PIK3C2G: variants seen among roughly 807,000 people sequenced by gnomAD.
The protein encoded by PIK3C2G is phosphatidylinositol-4-phosphate 3-kinase catalytic subunit type 2 gamma, also known as phosphatidylinositol 3-kinase C2 domain-containing subunit gamma.
Under a neutral mutation model 181.1 loss-of-function variants are expected in PIK3C2G, and 168 were observed. The observed-to-expected ratio is 0.93, with a 90% CI of 0.82 to 1.05. The LOEUF (loss-of-function observed/expected upper bound fraction) is 1.05, where lower values mean the gene tolerates loss of function less well. PIK3C2G is among the 50% of genes least tolerant of loss of function. PIK3C2G has a pLI of 0.00. For synonymous variants in PIK3C2G, 573 were observed against 592.2 expected (o/e 0.97, Z 0.47); for missense variants, 1,869 against 1,732.8 (o/e 1.08, Z -1.40).
At chr12:18,725,399 A>G in the PIK3C2G span, among the ~76,000 whole-genome samples, 1 of 152,176 alleles carries the variant, frequency 6.6e-6, no homozygotes, top group Admixed American at 6.5e-5. Flanking sequence ...CTGAAGCACA[A>G]AAATCTTAGG....
intron 1 of PIK3C2G, among the ~76,000 whole-genome samples, chr12:18,255,779 GCAGT>G (rs1198106416): frequency 3.3e-5 from 5 of 152,178 alleles, no homozygotes; most frequent in African/African-American, 1.2e-4. Flanking sequence ...GGAACAACTT[GCAGT>G]CAATTACCCA....
At chr12:18,510,849 A>G (rs1048337552) in intron 24 of PIK3C2G, among the ~76,000 whole-genome samples, 3 of 152,148 alleles carry the variant, frequency 2.0e-5, no homozygotes, top group African/African-American at 7.2e-5. Flanking sequence ...TTATGGTGAG[A>G]CATTTGAAAT....
chr12:18,594,640 AT>A (rs1352395595), intron 30 of PIK3C2G, 71 bp downstream of exon 30: 16 of 744,568 alleles, frequency 2.1e-5, no homozygotes, highest in South Asian at 4.8e-5. Context: ...ATCACAACTA[AT>A]TTTTTTCAAT....
chr12:18,482,073 A>C (rs1939612562), intron 18 of PIK3C2G, among the ~76,000 whole-genome samples: 1 of 152,150 alleles, frequency 6.6e-6, no homozygotes, highest in African/African-American at 2.4e-5. Context: ...ACTTTTGGAC[A>C]ACAAAAAACT....
chr12:18,456,164 T>G (rs376056631), intron 18 of PIK3C2G, among the ~76,000 whole-genome samples: 14 of 152,298 alleles, frequency 9.2e-5, no homozygotes, highest in African/African-American at 3.1e-4. Context: ...AAATAAAGTT[T>G]TTAAAATGTT....
At chr12:18,593,731 C>A (rs1947206005) in intron 29 of PIK3C2G, among the ~76,000 whole-genome samples, 1 of 151,776 alleles carries the variant, frequency 6.6e-6, no homozygotes, top group Non-Finnish European at 1.5e-5. Context: ...ATTTGGAGAT[C>A]AGGTTAAATG....
upstream of PIK3C2G, among the ~76,000 whole-genome samples, chr12:18,244,426 G>T (rs1948018231): frequency 6.6e-6 from 1 of 151,896 alleles, no homozygotes; most frequent in Non-Finnish European, 1.5e-5. Context: ...TGCTTAAAAG[G>T]TATAATAAAA....
intron 29 of PIK3C2G, among the ~76,000 whole-genome samples, chr12:18,577,485 T>C (rs1946292149): frequency 6.6e-6 from 1 of 152,180 alleles, no homozygotes; most frequent in African/African-American, 2.4e-5. Flanking sequence ...CTAAAGAAAT[T>C]CCAGGCACTA....
At chr12:18,609,078 T>A (rs1592707688) in intron 30 of PIK3C2G, among the ~76,000 whole-genome samples, 1 of 152,122 alleles carries the variant, frequency 6.6e-6, no homozygotes, top group Non-Finnish European at 1.5e-5. Flanking sequence ...AAAAAGTAAC[T>A]ATTATTTCCA....
chr12:18,521,374 C>A (rs764333910), intron 24 of PIK3C2G, among the ~76,000 whole-genome samples: 4 of 152,204 alleles, frequency 2.6e-5, no homozygotes, highest in Admixed American at 2.6e-4. Context: ...GCTGGCCTGC[C>A]GAATCTGTGG....
intron 14 of PIK3C2G, among the ~76,000 whole-genome samples, chr12:18,383,165 G>A (rs1942952364): frequency 6.6e-6 from 1 of 152,152 alleles, no homozygotes; most frequent in African/African-American, 2.4e-5. Context: ...TTCTACTAAT[G>A]AAGAAAAATA....
At position 18,639,570 on chromosome 12, in the gene PIK3C2G, C is replaced by A. The variant is rs138475908; in HGVS notation, c.4183-859C>A. ...TTTACTCTACAGTTGGTCAAGATCACAAAGGTAAAATCCATTTCTTTCAAG... is the reference window on the plus strand; with the variant it reads ...TTTACTCTACAGTTGGTCAAGATCAAAAAGGTAAAATCCATTTCTTTCAAG... On this transcript the variant is annotated intron_variant, in intron 31 of 32. Coordinates refer to ENST00000538779, the MANE Select transcript of PIK3C2G (RefSeq NM_001288772.2). Among the ~76,000 whole-genome samples, 518 of 152,256 alleles carry A rather than the reference C, an allele frequency of 3.4e-3. 2 individuals are homozygous for A. The highest frequency in any genetic ancestry group is 0.012 in the African/African-American group (499 of 41,556).
At chr12:18,629,687 G>A (rs1271125718) in intron 31 of PIK3C2G, among the ~76,000 whole-genome samples, 2 of 152,196 alleles carry the variant, frequency 1.3e-5, no homozygotes, top group South Asian at 4.1e-4. Flanking sequence ...ATTGAGACAA[G>A]CAGACTTTGA....
intron 16 of PIK3C2G, among the ~76,000 whole-genome samples, chr12:18,404,290 A>G (rs538546772): frequency 6.6e-6 from 1 of 152,328 alleles, no homozygotes; most frequent in East Asian, 1.9e-4. Context: ...TAAATTATGA[A>G]TGATGGTGTA....
chr12:18,350,437 G>T (rs1205859510), intron 11 of PIK3C2G, among the ~76,000 whole-genome samples: 2 of 152,074 alleles, frequency 1.3e-5, no homozygotes, highest in Non-Finnish European at 2.9e-5. Context: ...TGCAAAAAAT[G>T]ATTTGACAGT....
rs775464478 is a variant in PIK3C2G, at chr12:18,293,958, A to G, written c.977A>G (p.Gln326Arg). 16 of 1,601,610 alleles carry G rather than the reference A, an allele frequency of 1.0e-5. No homozygotes were observed. The South Asian group carries it at 1.4e-4, about 14-fold the overall frequency. The change falls in exon 5 of 33, where the codon CAG becomes CGG. Residue 326 changes from glutamine (Q) to arginine (R), a missense_variant. By Grantham distance (43) the Gln-to-Arg change is conservative. Coordinates refer to ENST00000538779, the MANE Select transcript of PIK3C2G (RefSeq NM_001288772.2). ...AEILHFCTND[Q>R]LLPKDHILSV... ...ATTCTGCATTTTTGCACAAATGACC[A>G]GCTACTCCCCAAAGATCATATTCTA...
chr12:18,693,769 A>AT, the PIK3C2G span: 1 of 1,516,454 alleles, frequency 6.6e-7, no homozygotes, highest in Non-Finnish European at 9.1e-7. Context: ...TCATGGCCAC[A>AT]AACCAAATAG....
Position 18,567,039 on chromosome 12 carries a change from A to G in PIK3C2G, c.3993A>G (p.Val1331=), listed in dbSNP as rs1209020966. 8 of 1,436,442 alleles carry G rather than the reference A, an allele frequency of 5.6e-6. No individual in the cohort carries two copies. Among genetic ancestry groups the G allele is most frequent in the Non-Finnish European group, 7.8e-6 (8 of 1,024,556 alleles). The allele number at this position is 1,436,442 out of a possible 1,614,324, so 89.0% of individuals were successfully genotyped here. A position where few individuals can be genotyped will look rare whatever the true frequency, so the allele number is the denominator to read the frequency against. The change falls in exon 29 of 33, where the codon GTA becomes GTG. Residue 1331 remains valine, a synonymous_variant. Coordinates refer to ENST00000538779, the MANE Select transcript of PIK3C2G (RefSeq NM_001288772.2). ...LNHYMEQILN[V]SHEVTNSDCV... ...ATTACATGGAACAGATATTAAATGT[A>G]TCACATGAAGTTACAAACGTATGTT...
intron 8 of PIK3C2G, among the ~76,000 whole-genome samples, chr12:18,337,385 G>A (rs11608699): frequency 1.2e-3 from 185 of 152,222 alleles, no homozygotes; most frequent in Non-Finnish European, 2.2e-3. Context: ...GCCAGCCTGC[G>A]TTGTTGATTT....
Sources: allele counts gnomAD v4.1 joint callset (sites outside exome capture counted in the v4.1 genomes callset), GRCh38; gene constraint gnomAD v4.1.1; transcripts MANE v1.5; gene names NCBI Gene and HGNC (gene_info 2026-07-23, HGNC 2026-07-21).